Variants in EPPK1 observed in about 807,000 individuals in gnomAD.
EPPK1 encodes the protein epiplakin.
For synonymous variants in EPPK1, 1,862 were observed against 1,721.2 expected, an observed-to-expected ratio of 1.08 and a Z score of -2.03; for missense variants, 3,823 against 3,673.3, an observed-to-expected ratio of 1.04 and a Z score of -1.05.
In EPPK1 at chr8:143,868,801, C is replaced by G; in HGVS notation, c.4453G>C (p.Glu1485Gln). ...CCAGACCGACAGAGTGCCACCAGCT[C>G]CCGCCGCTTGTCAGCGCCAACGTAT... is the stretch of plus-strand genomic sequence containing the variant. The part of the protein sequence containing the change: ...SEYVGADKRR[E>Q]LVALCRSGRA... Residue 1485 changes from glutamate to glutamine, a missense_variant, in exon 2 of 2, where the codon GAG becomes CAG. Transcript: ENST00000615648. The G allele has an allele frequency of 6.2e-7, 1 of 1,602,396 alleles. No individual in the cohort carries two copies. The highest frequency in any genetic ancestry group is 8.5e-7 in the Non-Finnish European group (1 of 1,178,838).
In EPPK1 at chr8:143,857,831, C is replaced by A; in HGVS notation, c.*156G>T. On this transcript the variant is annotated 3_prime_UTR_variant, in exon 2 of 2. Coordinates refer to ENST00000615648, the MANE Select transcript of EPPK1 (RefSeq NM_031308.4). The stretch of plus-strand genomic sequence containing the variant: ...CGATGGACAAAGGAAAAGTTTCTGT[C>A]ACATGACAACTTAAAACGTTTTCCA... 1 of 583,678 alleles carries A rather than the reference C, an allele frequency of 1.7e-6. No homozygotes were observed. The highest frequency in any genetic ancestry group is 2.7e-6 in the Non-Finnish European group (1 of 368,080). 36.2% of individuals were successfully genotyped at this position (583,678 alleles called of 1,614,324 possible). A position where few individuals can be genotyped will look rare whatever the true frequency, so the allele number is the denominator to read the frequency against.
Position 143,868,777 on chromosome 8 carries a change from C to G in EPPK1, c.4477G>C (p.Gly1493Arg). 1 of 1,598,036 alleles carries G rather than the reference C, an allele frequency of 6.3e-7. No individual in the cohort carries two copies. The highest frequency in any genetic ancestry group is 1.1e-5 in the South Asian group (1 of 89,968). ...ACCTGCCGCAGGGCCGCAGCCCTCC[C>G]AGACCGACAGAGTGCCACCAGCTCC... ...RRELVALCRS[G>R]RAAALRQVVS... is the part of the protein sequence containing the mutation. The change falls in exon 2 of 2, where the codon GGG (glycine) becomes CGG (arginine). Residue 1493 changes from glycine (G) to arginine (R), a missense_variant. Coordinates refer to ENST00000615648, the MANE Select transcript of EPPK1 (RefSeq NM_031308.4).
At chr8:143,877,503 C>G (rs531523687) in intron 1 of EPPK1, among the ~76,000 whole-genome samples, 1 of 152,172 alleles carries the variant, frequency 6.6e-6, no homozygotes, top group Non-Finnish European at 1.5e-5. Flanking sequence ...AGGTGGCCCC[C>G]AGGCCCCAAG....
Position 143,866,657 on chromosome 8 carries a change from G to C in EPPK1, c.6597C>G (p.Asp2199Glu), listed in dbSNP as rs1554659109. The stretch of plus-strand genomic sequence containing the variant: ...GCGTCGTGCTCCGTCCCGTTTCCAG[G>C]TCCTGGAGCATTTCCTCCGTGATTA... ...SAIITEEMLQDLETGRSTTQE... is the reference protein window; with the variant it reads ...SAIITEEMLQELETGRSTTQE... Residue 2199 changes from aspartate (D) to glutamate (E), a missense_variant, in exon 2 of 2, where the codon GAC (aspartate) becomes GAG (glutamate). Physicochemically the swap from Asp to Glu is conservative, Grantham distance 45. Transcript: ENST00000615648. 1 of 1,613,114 alleles carries C rather than the reference G, an allele frequency of 6.2e-7. No individual in the cohort carries two copies. Among genetic ancestry groups the C allele is most frequent in the South Asian group, 1.1e-5 (1 of 91,086 alleles).
In EPPK1 at chr8:143,866,750, G is replaced by A. The variant is rs1166077025; in HGVS notation, c.6504C>T (p.Ser2168=). 1 of 1,613,406 alleles carries A rather than the reference G, an allele frequency of 6.2e-7. No homozygotes were observed. Among genetic ancestry groups the A allele is most frequent in the Non-Finnish European group, 8.5e-7 (1 of 1,179,890 alleles). The stretch of plus-strand genomic sequence containing the variant: ...TTCCTTGGAACCACAGGTGTTTGTT[G>A]CTGGTTTCCTGCTTCTCGATCAACT... ...ILELIEKQET[S]NKHLWFQGIR... Residue 2168 remains serine, a synonymous_variant, in exon 2 of 2, where the codon AGC becomes AGT. Transcript: ENST00000615648.
chr8:143,871,225 C>T lies in EPPK1; in HGVS notation c.2029G>A (p.Val677Met). 1 of 1,613,210 alleles carries T rather than the reference C, an allele frequency of 6.2e-7. No individual in the cohort carries two copies. Among genetic ancestry groups the T allele is most frequent in the Non-Finnish European group, 8.5e-7 (1 of 1,180,006 alleles). Reference protein sequence around the residue: ...ALRAAVIGPDVFAKLLSAERA... With the variant: ...ALRAAVIGPDMFAKLLSAERA... ...TCAGCCGACAGCAGCTTCGCGAACA[C>T]ATCAGGCCCAATGACAGCAGCCCTC... Residue 677 changes from valine (V) to methionine (M), a missense_variant, in exon 2 of 2, where the codon GTG (valine) becomes ATG (methionine). By Grantham distance (21) the Val-to-Met change is conservative. Coordinates refer to ENST00000615648, the MANE Select transcript of EPPK1 (RefSeq NM_031308.4).
chr8:143,869,182 C>T lies in EPPK1; in HGVS notation c.4072G>A (p.Val1358Met), dbSNP rs782703866. 1.2e-6 allele frequency: 2 copies of T among 1,608,966 alleles called. No individual in the cohort carries two copies. Among genetic ancestry groups the T allele is most frequent in the South Asian group, 1.1e-5 (1 of 91,032 alleles). The change falls in exon 2 of 2, where the codon GTG becomes ATG. Residue 1358 changes from valine to methionine, a missense_variant. By Grantham distance (21) the Val-to-Met change is conservative. Transcript: ENST00000615648. Reference protein sequence around the residue: ...PQNEGLPLLQVQLATGGVVDP... With the variant: ...PQNEGLPLLQMQLATGGVVDP... Reference sequence around the variant, plus strand: ...ACCACACCCCCTGTGGCCAGCTGCACCTGCAGGAGGGGCAAGCCCTCGTTC... The same window carrying T: ...ACCACACCCCCTGTGGCCAGCTGCATCTGCAGGAGGGGCAAGCCCTCGTTC...
upstream of EPPK1, among the ~76,000 whole-genome samples, chr8:143,878,849 G>C (rs1554662788): frequency 1.3e-5 from 2 of 152,056 alleles, no homozygotes. Flanking sequence ...ACCCCACCTT[G>C]TCTGCTCAGC....
At chr8:143,878,826 G>T (rs1321682395), upstream of EPPK1, among the ~76,000 whole-genome samples, 1 of 151,996 alleles carries the variant, frequency 6.6e-6, no homozygotes, top group African/African-American at 2.4e-5. Context: ...TGGTGTCCCT[G>T]CCTCCAGCCC....
At position 143,872,993 on chromosome 8, in the gene EPPK1, G is replaced by C. The variant is rs556305553; in HGVS notation, c.261C>G (p.Leu87=). The C allele has an allele frequency of 6.3e-7, 1 of 1,582,968 alleles. No homozygotes were observed. Among genetic ancestry groups the C allele is most frequent in the Non-Finnish European group, 8.6e-7 (1 of 1,163,696 alleles). Residue 87 remains leucine, a synonymous_variant, in exon 2 of 2, where the codon CTC becomes CTG. Coordinates refer to ENST00000615648, the MANE Select transcript of EPPK1 (RefSeq NM_031308.4). ...ACACAGGGAGCAGCTGGCCCCGGGC[G>C]AGGTCCACCAGGCCCCCAGTGGCTG... ...AQAATGGLVD[L]ARGQLLPVSK...
chr8:143,870,019 T>G lies in EPPK1; in HGVS notation c.3235A>C (p.Ser1079Arg). 1 of 1,610,352 alleles carries G rather than the reference T, an allele frequency of 6.2e-7. No individual in the cohort carries two copies. Among genetic ancestry groups the G allele is most frequent in the Non-Finnish European group, 8.5e-7 (1 of 1,178,766 alleles). ...GGTGTGGGGAAGGTTTCGGAGGAGC[T>G]GGACAAGGCTGTCTCCATCTCCTGG... is the stretch of plus-strand genomic sequence containing the variant. The part of the protein sequence containing the change: ...VDQEMETALS[S>R]SSETFPTPDG... The change falls in exon 2 of 2, where the codon AGC becomes CGC. Residue 1079 changes from serine (S) to arginine (R), a missense_variant. By Grantham distance (110) the Ser-to-Arg change is moderately radical. Transcript: ENST00000615648. The surrounding 1 kb of genome is among the most constrained non-coding windows in gnomAD (Gnocchi z 5.2).
Position 143,872,777 on chromosome 8 carries a change from G to C in EPPK1, c.477C>G (p.Gly159=). The change falls in exon 2 of 2, where the codon GGC becomes GGG. Residue 159 remains glycine (G), a synonymous_variant. Coordinates refer to ENST00000615648, the MANE Select transcript of EPPK1 (RefSeq NM_031308.4). ...SWLEVQLATG[G]LVDPAQGVLV... ...GCACTCCCTGGGCGGGGTCCACCAG[G>C]CCCCCAGTGGCCAGTTGGACCTCCA... 1 of 1,577,894 alleles carries C rather than the reference G, an allele frequency of 6.3e-7. No homozygotes were observed. The highest frequency in any genetic ancestry group is 8.6e-7 in the Non-Finnish European group (1 of 1,158,018).
chr8:143,878,456 GTCCGCAGTGTCTCCGCGCGCCCGC>G (rs1819533998), exon 1 of EPPK1: 3 of 102,794 alleles, frequency 2.9e-5, no homozygotes, highest in Non-Finnish European at 6.0e-5. Flanking sequence ...TCGCCGCTCG[GTCCGCAGTGTCTCCGCGCGCCCGC>G]TCCGCCCGCA....
rs1334461796 is a variant in EPPK1 at position 143,857,380 on chromosome 8, C to T, written c.*607G>A. 2.6e-5 allele frequency: 4 copies of T among 152,298 alleles called. No individual in the cohort carries two copies. The highest frequency in any genetic ancestry group is 9.7e-5 in the African/African-American group (4 of 41,450). The allele number at this position is 152,298 out of a possible 1,614,324, so 9.4% of individuals were successfully genotyped here. On this transcript the variant is annotated 3_prime_UTR_variant, in exon 2 of 2. Transcript: ENST00000615648. ...TCCTAGTAAATTACTACAAAAAGTT[C>T]TTCTCCACAACAGACTCGCTCAGTC... is the stretch of plus-strand genomic sequence containing the variant.
Position 143,870,940 on chromosome 8 carries a change from T to C in EPPK1, c.2314A>G (p.Thr772Ala), listed in dbSNP as rs922567493. 6.2e-7 allele frequency: 1 copy of C among 1,613,358 alleles called. No individual in the cohort carries two copies. ...DDTKGFFDPN[T>A]HENLTYLQLL... ...TGCAGGTACGTGAGGTTCTCGTGCGTGTTGGGGTCGAAGAAGCCCTTGGTG... is the reference window on the plus strand; with the variant it reads ...TGCAGGTACGTGAGGTTCTCGTGCGCGTTGGGGTCGAAGAAGCCCTTGGTG... The change falls in exon 2 of 2, where the codon ACG (threonine) becomes GCG (alanine). Residue 772 changes from threonine to alanine, a missense_variant. Physicochemically the swap from Thr to Ala is moderately conservative, Grantham distance 58. Coordinates refer to ENST00000615648, the MANE Select transcript of EPPK1 (RefSeq NM_031308.4). The surrounding 1 kb of genome is among the most constrained non-coding windows in gnomAD (Gnocchi z 5.2).
chr8:143,867,880 G>A lies in EPPK1; in HGVS notation c.5374C>T (p.Gln1792Ter), dbSNP rs782519414. 2.8e-5 allele frequency: 45 copies of A among 1,613,152 alleles called. No individual in the cohort carries two copies. In the Admixed American group the frequency reaches 7.5e-4, roughly 27 times the overall value. Residue 1792 changes from glutamine (Q) to a stop codon, truncating the protein, a stop_gained, in exon 2 of 2, where the codon CAG becomes TAG. Transcript: ENST00000615648. LOFTEE classifies it low-confidence loss of function (END_TRUNC). ...AKMRVGRFAD[Q>*]VVSFWDLLSS... ...AGCAGGTCCCAGAAAGAGACCACCT[G>A]GTCAGCAAACCTCCCCACGCGCATT...
In EPPK1 at chr8:143,871,894, G is replaced by A. The variant is rs782002294; in HGVS notation, c.1360C>T (p.Leu454Phe). Residue 454 changes from leucine to phenylalanine, a missense_variant, in exon 2 of 2, where the codon CTC becomes TTC. Coordinates refer to ENST00000615648, the MANE Select transcript of EPPK1 (RefSeq NM_031308.4). ...CCGGTCTCTGGGTCGGTGACACAGA[G>A]GGCCAGCAGCTGTTCATAGCGCAGG... ...GGLRYEQLLA[L>F]CVTDPETGLA... is the part of the protein sequence containing the mutation. 6.2e-7 allele frequency: 1 copy of A among 1,609,446 alleles called. No homozygotes were observed. The highest frequency in any genetic ancestry group is 1.7e-5 in the Admixed American group (1 of 60,000).
At position 143,872,033 on chromosome 8, in the gene EPPK1, TG is replaced by T; in HGVS notation, c.1220del (p.Pro407GlnfsTer85). 1 of 1,560,546 alleles carries T rather than the reference TG, an allele frequency of 6.4e-7. No homozygotes were observed. The highest frequency in any genetic ancestry group is 8.7e-7 in the Non-Finnish European group (1 of 1,154,154). ...AQLATGGLVC[P>X]ARRLRLPLEA... ...CCAGGGGCAGCCGGAGCCTGCGTGC[TG>T]GACAGACCAGCCCGCCTGTGGCCAG... On this transcript the variant is annotated frameshift_variant, in exon 2 of 2. Coordinates refer to ENST00000615648, the MANE Select transcript of EPPK1 (RefSeq NM_031308.4). LOFTEE classifies it low-confidence loss of function (END_TRUNC).
At position 143,868,131 on chromosome 8, in the gene EPPK1, C is replaced by T. The variant is rs1819201780; in HGVS notation, c.5123G>A (p.Gly1708Asp). Reference sequence around the variant, plus strand: ...GCGGTTCATCTCCTCGTCGAAGTAGCCGCAGCGGTAGGCCACGTCCACGGG... The same window carrying T: ...GCGGTTCATCTCCTCGTCGAAGTAGTCGCAGCGGTAGGCCACGTCCACGGG... Reference protein sequence around the residue: ...RVPVDVAYRCGYFDEEMNRIL... With the variant: ...RVPVDVAYRCDYFDEEMNRIL... The change falls in exon 2 of 2, where the codon GGC (glycine) becomes GAC (aspartate). Residue 1708 changes from glycine to aspartate, a missense_variant. Physicochemically the swap from Gly to Asp is moderately conservative, Grantham distance 94. Coordinates refer to ENST00000615648, the MANE Select transcript of EPPK1 (RefSeq NM_031308.4). 1.2e-6 allele frequency: 2 copies of T among 1,613,316 alleles called. No individual in the cohort carries two copies. Among genetic ancestry groups the T allele is most frequent in the South Asian group, 1.1e-5 (1 of 91,080 alleles).
Sources: gnomAD v4.1 joint callset for allele counts (sites outside exome capture counted in the v4.1 genomes callset) on GRCh38, gnomAD v4.1.1 for gene constraint, Gnocchi (gnomAD v3.1) non-coding constraint, MANE v1.5 for transcripts, NCBI Gene and HGNC (gene_info 2026-07-23, HGNC 2026-07-21) for gene names.